Variants in ATP2B2 observed in about 807,000 individuals in gnomAD.
ATP2B2 encodes the protein plasma membrane calcium-transporting ATPase 2.
ATP2B2 carries 15 observed loss-of-function variants against 120.0 expected under a neutral mutation model. The observed-to-expected ratio is 0.12, with a 90% CI of 0.08 to 0.19. The LOEUF (loss-of-function observed/expected upper bound fraction) is 0.19, where lower values mean the gene tolerates loss of function less well. ATP2B2 is among the 10% of genes least tolerant of loss of function. The probability of loss-of-function intolerance (pLI) is 1.00; values close to 1 mark genes in which losing one functional copy is unlikely to be tolerated. For synonymous variants in ATP2B2, 694 were observed against 700.3 expected, an observed-to-expected ratio of 0.99 and a Z score of 0.14; for missense variants, 1,045 against 1,719.8, an observed-to-expected ratio of 0.61 and a Z score of 6.94.
chr3:10,476,553 A>G (rs758902304), intron 1 of ATP2B2, among the ~76,000 whole-genome samples: 2 of 152,156 alleles, frequency 1.3e-5, no homozygotes, highest in African/African-American at 4.8e-5. Flanking sequence ...GCACTAGAGA[A>G]TCACCCCTCA....
chr3:10,564,288 G>A (rs533280181), intron 2 of ATP2B2, among the ~76,000 whole-genome samples: 4 of 152,236 alleles, frequency 2.6e-5, no homozygotes, highest in Non-Finnish European at 4.4e-5. Context: ...TTTTGTTCCC[G>A]GTGCAACCAA....
At chr3:10,404,832 GA>G (rs1246023629) in intron 3 of ATP2B2, among the ~76,000 whole-genome samples, 1 of 152,226 alleles carries the variant, frequency 6.6e-6, no homozygotes, top group Non-Finnish European at 1.5e-5. Context: ...TTGGGGCTTA[GA>G]GGCATGGAGG....
At chr3:10,683,803 T>C (rs2071450034) in intron 1 of ATP2B2, among the ~76,000 whole-genome samples, 2 of 119,662 alleles carry the variant, frequency 1.7e-5, no homozygotes, top group Non-Finnish European at 3.5e-5. Context: ...TATATATATA[T>C]ATGTAAAGAG....
At chr3:10,590,218 T>G (rs2068610503) in intron 2 of ATP2B2, among the ~76,000 whole-genome samples, 2 of 152,194 alleles carry the variant, frequency 1.3e-5, no homozygotes, top group Non-Finnish European at 2.9e-5. Context: ...TCAATGGTAT[T>G]ATGGAAAAGG....
At chr3:10,619,447 T>C (rs1213959730) in intron 2 of ATP2B2, among the ~76,000 whole-genome samples, 1 of 152,166 alleles carries the variant, frequency 6.6e-6, no homozygotes, top group Non-Finnish European at 1.5e-5. Flanking sequence ...AAAAACCATC[T>C]GATGGCGTTA....
chr3:10,619,874 G>A (rs1377876701), intron 2 of ATP2B2: 1 of 152,166 alleles, frequency 6.6e-6, no homozygotes, highest in South Asian at 2.1e-4. Context: ...GGGCTTCTAT[G>A]GGTGCCCCCA....
chr3:10,685,575 T>C (rs2071500221), intron 1 of ATP2B2, among the ~76,000 whole-genome samples: 1 of 152,178 alleles, frequency 6.6e-6, no homozygotes, highest in Non-Finnish European at 1.5e-5. Flanking sequence ...CACACACTCC[T>C]GGGCAGAGAA....
At chr3:10,381,411 G>C (rs1257168184) in intron 8 of ATP2B2, among the ~76,000 whole-genome samples, 1 of 152,196 alleles carries the variant, frequency 6.6e-6, no homozygotes, top group Non-Finnish European at 1.5e-5. Context: ...GCTCAAAGGG[G>C]CCTTTATTTG....
At chr3:10,345,244 C>T in intron 18 of ATP2B2, 140 bp downstream of exon 18, 1 of 954,718 alleles carries the variant, frequency 1.0e-6, no homozygotes, top group Non-Finnish European at 1.6e-6. Flanking sequence ...AGTTCCTGGC[C>T]CCCAGCAGGT....
intron 2 of ATP2B2, among the ~76,000 whole-genome samples, chr3:10,615,463 A>G (rs1345242452): frequency 1.3e-5 from 2 of 152,228 alleles, no homozygotes; most frequent in Non-Finnish European, 2.9e-5. Context: ...AGACATTTGC[A>G]GAGATATTTG....
chr3:10,661,891 C>T (rs1304782705), intron 1 of ATP2B2, among the ~76,000 whole-genome samples: 2 of 152,078 alleles, frequency 1.3e-5, no homozygotes, highest in African/African-American at 4.8e-5. Flanking sequence ...AGTACTGGTA[C>T]CAAAAGAGAG....
intron 6 of ATP2B2, 149 bp downstream of exon 6, chr3:10,388,128 G>T: frequency 8.6e-7 from 1 of 1,160,454 alleles, no homozygotes; most frequent in Non-Finnish European, 1.3e-6. Context: ...CCTGGCCCAT[G>T]CAGGCCTTAA....
chr3:10,505,900 C>G (rs375328289), upstream of ATP2B2, among the ~76,000 whole-genome samples: 2 of 152,064 alleles, frequency 1.3e-5, no homozygotes, highest in South Asian at 2.1e-4. Flanking sequence ...GGAATATGCC[C>G]GCTCCCCAGA....
intron 14 of ATP2B2, among the ~76,000 whole-genome samples, chr3:10,353,587 G>C (rs1223875701): frequency 6.6e-6 from 1 of 152,154 alleles, no homozygotes; most frequent in East Asian, 1.9e-4. Flanking sequence ...TCTGGACCAG[G>C]GATATGCTCC....
Position 10,345,883 on chromosome 3 carries a change from T to C in ATP2B2, c.2511+148A>G. The C allele has an allele frequency of 4.9e-6, 4 of 813,066 alleles. No individual in the cohort carries two copies. The South Asian group carries it at 6.7e-5, about 14-fold the overall frequency. 50.4% of individuals were successfully genotyped at this position (813,066 alleles called of 1,614,324 possible). A position where few individuals can be genotyped will look rare whatever the true frequency, so the allele number is the denominator to read the frequency against. ...ATGCCTTTCCAGGAAGACCTCGGGG[T>C]CAGGCTGAGTCTCGAGAAGGGTGGG... is the stretch of plus-strand genomic sequence containing the variant. On this transcript the variant is annotated intron_variant, in intron 17 of 22. Transcript: ENST00000360273.
intron 1 of ATP2B2, among the ~76,000 whole-genome samples, chr3:10,488,356 CCCACAAATCGATCCATCCAT>C (rs2065795247): frequency 2.0e-5 from 3 of 147,162 alleles, no homozygotes; most frequent in Non-Finnish European, 4.5e-5. Flanking sequence ...CATTCACTCA[CCCACAAATCGATCCATCCAT>C]CCACCCATCC....
intron 2 of ATP2B2, among the ~76,000 whole-genome samples, chr3:10,605,033 T>A (rs530735793): frequency 1.3e-5 from 2 of 152,352 alleles, no homozygotes; most frequent in South Asian, 4.1e-4. Flanking sequence ...GCCACAGCCT[T>A]CTGTGTCCCC....
chr3:10,474,488 C>T (rs2065132123), intron 1 of ATP2B2, among the ~76,000 whole-genome samples: 2 of 152,200 alleles, frequency 1.3e-5, no homozygotes, highest in Non-Finnish European at 2.9e-5. Flanking sequence ...GGAAAAGACT[C>T]AGAGCCCAGC....
intron 1 of ATP2B2, among the ~76,000 whole-genome samples, chr3:10,670,663 C>T (rs1335059438): frequency 1.3e-5 from 2 of 152,128 alleles, no homozygotes; most frequent in African/African-American, 2.4e-5. Flanking sequence ...TCAGGTGATC[C>T]GCCTGCCTTG....
Sources: allele counts gnomAD v4.1 joint callset (sites outside exome capture counted in the v4.1 genomes callset), GRCh38; gene constraint gnomAD v4.1.1; transcripts MANE v1.5; gene names NCBI Gene and HGNC (gene_info 2026-07-23, HGNC 2026-07-21).